RAB9A: variants seen among roughly 807,000 people sequenced by gnomAD.
RAB9A encodes the protein ras-related protein Rab-9A.
A neutral mutation model predicts 10.3 loss-of-function variants in RAB9A; 1 was observed. The ratio of observed to expected loss-of-function variants is 0.10; its 90% CI spans 0.03 to 0.46. The LOEUF (loss-of-function observed/expected upper bound fraction) is 0.46. Ranked by LOEUF, RAB9A falls within the 20% of genes least tolerant of loss-of-function variation. RAB9A has a pLI of 0.96. For synonymous variants in RAB9A, 39 were observed against 55.2 expected (o/e 0.71, Z 1.30); for missense variants, 92 against 150.3 (o/e 0.61, Z 2.03).
At chrX:13,706,052 A>G (rs1009444855) in intron 2 of RAB9A, among the ~76,000 whole-genome samples, 1 of 111,946 alleles carries the variant, frequency 8.9e-6, no homozygotes, top group Non-Finnish European at 1.9e-5. Flanking sequence ...ATCTCTGGGA[A>G]ACAACCCGCT....
chrX:13,692,608 G>A (rs2046131059), intron 1 of RAB9A, among the ~76,000 whole-genome samples: 1 of 111,805 alleles, frequency 8.9e-6, no homozygotes, highest in African/African-American at 3.3e-5. Flanking sequence ...TAACTTTCTG[G>A]TGTTTTCTGG....
intron 1 of RAB9A, among the ~76,000 whole-genome samples, chrX:13,690,287 A>C (rs1338583091): frequency 8.9e-6 from 1 of 112,183 alleles, no homozygotes; most frequent in African/African-American, 3.2e-5. Context: ...TTTCCTTTAG[A>C]AGATTATGAA....
intron 1 of RAB9A, among the ~76,000 whole-genome samples, chrX:13,690,710 C>T (rs1480453761): frequency 1.8e-5 from 2 of 111,816 alleles, no homozygotes; most frequent in East Asian, 5.6e-4. Context: ...AGCCTCCCCT[C>T]ATTTCTGACC....
rs947834483 is a variant in RAB9A, at chrX:13,710,428, A to AT, written c.*1082dup. 2 of 123,214 alleles carry AT rather than the reference A, an allele frequency of 1.6e-5. No homozygotes were observed. Among genetic ancestry groups the AT allele is most frequent in the Non-Finnish European group, 3.8e-5 (2 of 53,235 alleles). 10.2% of individuals were successfully genotyped at this position (123,214 alleles called of 1,213,427 possible). A position where few individuals can be genotyped will look rare whatever the true frequency, so the allele number is the denominator to read the frequency against. Reference sequence around the variant, plus strand: ...CATTTAGTGATTTGCTCTCAAGGAGATTTTTTGTTAGAAAAAGACTTGTTG... The same window carrying AT: ...CATTTAGTGATTTGCTCTCAAGGAGATTTTTTTGTTAGAAAAAGACTTGTTG... On this transcript the variant is annotated 3_prime_UTR_variant, in exon 3 of 3. Coordinates refer to ENST00000464506, the MANE Select transcript of RAB9A (RefSeq NM_004251.5).
Position 13,709,146 on chromosome X carries a change from T to A in RAB9A, c.400T>A (p.Ser134Thr), listed in dbSNP as rs944584442. ...NKIDISERQVSTEEAQAWCRD... is the reference protein window; with the variant it reads ...NKIDISERQVTTEEAQAWCRD... ...GATTGACATAAGCGAACGGCAGGTG[T>A]CTACAGAAGAAGCCCAAGCTTGGTG... is the stretch of plus-strand genomic sequence containing the variant. Residue 134 changes from serine (S) to threonine (T), a missense_variant, in exon 3 of 3, where the codon TCT becomes ACT. Coordinates refer to ENST00000464506, the MANE Select transcript of RAB9A (RefSeq NM_004251.5). 1 of 1,209,975 alleles carries A rather than the reference T, an allele frequency of 8.3e-7. No homozygotes were observed. The highest frequency in any genetic ancestry group is 1.7e-5 in the African/African-American group (1 of 57,179).
chrX:13,695,032 C>T (rs1266540157), intron 1 of RAB9A, among the ~76,000 whole-genome samples: 3 of 111,925 alleles, frequency 2.7e-5, no homozygotes, highest in Non-Finnish European at 5.6e-5. Context: ...GCTAGGGTAG[C>T]ACAGGGATGT....
At chrX:13,708,611 G>A in intron 2 of RAB9A, 110 bp from the exon 3 acceptor site, 2 of 676,636 alleles carry the variant, frequency 3.0e-6, no homozygotes, top group Non-Finnish European at 4.4e-6. Context: ...TTATTATTAG[G>A]TATTCCCTGG....
chrX:13,706,965 A>G lies in RAB9A; in HGVS notation c.-26-1756A>G, dbSNP rs16979147. ...TGATTTTACAAATTCATCCTGGTCAATATAACAATTATTGTTCATGTCTTT... is the reference window on the plus strand; with the variant it reads ...TGATTTTACAAATTCATCCTGGTCAGTATAACAATTATTGTTCATGTCTTT... On this transcript the variant is annotated intron_variant, in intron 2 of 2. Transcript: ENST00000464506. Among the ~76,000 whole-genome samples the G allele has an allele frequency of 6.6e-3, 744 of 112,100 alleles. 4 individuals are homozygous for G. The highest frequency in any genetic ancestry group is 0.023 in the African/African-American group (714 of 30,843).
At chrX:13,695,675 G>A (rs1381270520) in intron 1 of RAB9A, among the ~76,000 whole-genome samples, 1 of 112,182 alleles carries the variant, frequency 8.9e-6, no homozygotes, top group Non-Finnish European at 1.9e-5. Flanking sequence ...TAGATATGTT[G>A]AATTTGAACT....
rs1231411561 is a variant in RAB9A at position 13,700,103 on chromosome X, C to T, written c.-115-3711C>T. Among the ~76,000 whole-genome samples the T allele has an allele frequency of 2.7e-5, 3 of 111,463 alleles. No homozygotes were observed. In the East Asian group the frequency reaches 8.5e-4, roughly 31 times the overall value. On this transcript the variant is annotated intron_variant, in intron 1 of 2. Coordinates refer to ENST00000464506, the MANE Select transcript of RAB9A (RefSeq NM_004251.5). ...AGCTGGAACTACAAGCAGGCACCAC[C>T]ACACCTGGCTAATTTGTGTATTTTT...
In RAB9A at chrX:13,710,438, A is replaced by T. The variant is rs1371722416; in HGVS notation, c.*1086A>T. On this transcript the variant is annotated 3_prime_UTR_variant, in exon 3 of 3. Transcript: ENST00000464506. ...TTTGCTCTCAAGGAGATTTTTTGTT[A>T]GAAAAAGACTTGTTGCAGTGATCAG... 3 of 123,644 alleles carry T rather than the reference A, an allele frequency of 2.4e-5. No individual in the cohort carries two copies. The highest frequency in any genetic ancestry group is 5.6e-5 in the Non-Finnish European group (3 of 53,332). The allele number at this position is 123,644 out of a possible 1,213,427, so 10.2% of individuals were successfully genotyped here. A position where few individuals can be genotyped will look rare whatever the true frequency, so the allele number is the denominator to read the frequency against.
Position 13,709,220 on chromosome X carries a change from C to T in RAB9A, c.474C>T (p.Ala158=). The change falls in exon 3 of 3, where the codon GCC becomes GCT. Residue 158 remains alanine, a synonymous_variant. Transcript: ENST00000464506. ...YPYFETSAKD[A]TNVAAAFEEA... Reference sequence around the variant, plus strand: ...ATTTTGAAACAAGTGCAAAAGATGCCACAAATGTGGCAGCAGCCTTTGAGG... The same window carrying T: ...ATTTTGAAACAAGTGCAAAAGATGCTACAAATGTGGCAGCAGCCTTTGAGG... 8.3e-7 allele frequency: 1 copy of T among 1,211,636 alleles called. No individual in the cohort carries two copies. The highest frequency in any genetic ancestry group is 1.1e-6 in the Non-Finnish European group (1 of 895,528).
intron 2 of RAB9A, among the ~76,000 whole-genome samples, chrX:13,704,367 T>G (rs2046188034): frequency 8.9e-6 from 1 of 111,922 alleles, no homozygotes; most frequent in Non-Finnish European, 1.9e-5. Context: ...ATTGTATGAC[T>G]TTTTTGGGCT....
rs766682443 is a variant in RAB9A at position 13,709,326 on chromosome X, C to T, written c.580C>T (p.Pro194Ser). 11 of 1,204,487 alleles carry T rather than the reference C, an allele frequency of 9.1e-6. No homozygotes were observed. In the South Asian group the frequency reaches 1.4e-4, roughly 16 times the overall value. ...QTDTVNLHRK[P>S]KPSSSCC is the part of the protein sequence containing the mutation. ...AGACACAGTCAATCTTCACCGAAAG[C>T]CCAAGCCTAGCTCATCTTGCTGTTG... Residue 194 changes from proline to serine, a missense_variant, in exon 3 of 3, where the codon CCC becomes TCC. Transcript: ENST00000464506.
chrX:13,689,966 C>CTTT (rs5901512), intron 1 of RAB9A, among the ~76,000 whole-genome samples: 1 of 95,483 alleles, frequency 1.0e-5, no homozygotes, highest in Non-Finnish European at 2.1e-5. Flanking sequence ...GGACGTATTG[C>CTTT]TTTTTTTTTT....
chrX:13,698,274 C>A (rs1385342518), intron 1 of RAB9A, among the ~76,000 whole-genome samples: 1 of 102,274 alleles, frequency 9.8e-6, no homozygotes, highest in African/African-American at 3.6e-5. Context: ...AGTTAACATA[C>A]CTACAGAGGT....
At chrX:13,702,630 A>T (rs1445810244) in intron 1 of RAB9A, among the ~76,000 whole-genome samples, 1 of 112,136 alleles carries the variant, frequency 8.9e-6, no homozygotes, top group Non-Finnish European at 1.9e-5. Context: ...AGATAGTGGC[A>T]TGGGGAATCT....
At position 13,708,935 on chromosome X, in the gene RAB9A, G is replaced by A. The variant is rs747605998; in HGVS notation, c.189G>A (p.Thr63=). ...TTGTTACCATGCAGATTTGGGACAC[G>A]GCAGGTCAGGAGCGATTCCGAAGCC... is the stretch of plus-strand genomic sequence containing the variant. ...GHFVTMQIWD[T]AGQERFRSLR... is the part of the protein sequence containing the mutation. Residue 63 remains threonine, a synonymous_variant, in exon 3 of 3, where the codon ACG becomes ACA. Transcript: ENST00000464506. 42 of 1,209,553 alleles carry A rather than the reference G, an allele frequency of 3.5e-5. No individual in the cohort carries two copies. The African/African-American group carries it at 6.1e-4, about 18-fold the overall frequency.
At position 13,689,236 on chromosome X, in the gene RAB9A, C is replaced by T. The variant is rs921122773; in HGVS notation, c.-168C>T. 1 of 113,397 alleles carries T rather than the reference C, an allele frequency of 8.8e-6. No individual in the cohort carries two copies. The highest frequency in any genetic ancestry group is 2.8e-4 in the East Asian group (1 of 3,571). The allele number at this position is 113,397 out of a possible 1,213,427, so 9.3% of individuals were successfully genotyped here. On this transcript the variant is annotated 5_prime_UTR_variant, in exon 1 of 3. Coordinates refer to ENST00000464506, the MANE Select transcript of RAB9A (RefSeq NM_004251.5). Reference sequence around the variant, plus strand: ...CCCGACCCTCTCTCTGTCCTCATTGCGCCCAGACGGGCCGGCCCAGAGCTC... The same window carrying T: ...CCCGACCCTCTCTCTGTCCTCATTGTGCCCAGACGGGCCGGCCCAGAGCTC...
Sources: gnomAD v4.1 joint callset for allele counts (sites outside exome capture counted in the v4.1 genomes callset) on GRCh38, gnomAD v4.1.1 for gene constraint, MANE v1.5 for transcripts, NCBI Gene and HGNC (gene_info 2026-07-23, HGNC 2026-07-21) for gene names.